TPTE: variants seen among roughly 807,000 people sequenced by gnomAD.
TPTE encodes the protein putative tyrosine-protein phosphatase TPTE.
Under a neutral mutation model 84.1 loss-of-function variants are expected in TPTE, and 59 were observed. The observed-to-expected ratio is 0.70, with a 90% CI of 0.57 to 0.87. TPTE has a LOEUF of 0.87. Among genes scored for constraint, TPTE ranks in the 40% least tolerant of loss-of-function variants. TPTE has a pLI of 0.00. For missense variants in TPTE, 382 were observed against 659.6 expected (o/e 0.58, Z 4.61); for synonymous variants, 130 against 223.5 (o/e 0.58, Z 3.73).
At chr21:10,585,251 AAAAAAG>A (rs1246245401) in intron 17 of TPTE, among the ~76,000 whole-genome samples, 409 of 151,480 alleles carry the variant, frequency 2.7e-3, no homozygotes, top group African/African-American at 9.5e-3. Flanking sequence ...CAAAAAAAAA[AAAAAAG>A]AAAGAAAGAA....
chr21:10,527,499 T>C (rs2074101408), intron 3 of TPTE, 87 bp downstream of exon 3: 1 of 152,768 alleles, frequency 6.5e-6, no homozygotes, highest in Non-Finnish European at 1.5e-5. Flanking sequence ...GCATCTTTGG[T>C]AACATTGTTT....
intron 17 of TPTE, among the ~76,000 whole-genome samples, chr21:10,585,212 AG>A (rs1383703524): frequency 6.6e-6 from 1 of 152,304 alleles, no homozygotes; most frequent in Non-Finnish European, 1.5e-5. Flanking sequence ...CCTGGATGAC[AG>A]AGTAAGACTC....
At chr21:10,565,375 G>A (rs1370235075) in intron 10 of TPTE, among the ~76,000 whole-genome samples, 1 of 152,302 alleles carries the variant, frequency 6.6e-6, no homozygotes, top group Non-Finnish European at 1.5e-5. Flanking sequence ...AAAAATGGAA[G>A]GAGATTCCAT....
intron 17 of TPTE, among the ~76,000 whole-genome samples, chr21:10,582,310 G>C (rs1180823010): frequency 6.6e-6 from 1 of 152,308 alleles, no homozygotes; most frequent in East Asian, 1.9e-4. Flanking sequence ...ATCCCTCTCA[G>C]TAATATACCA....
rs1407197150 is a variant in TPTE, at chr21:10,592,484, G to GT, written c.1170+113dup. On this transcript the variant is annotated intron_variant, in intron 19 of 23. Coordinates refer to ENST00000618007, the MANE Select transcript of TPTE (RefSeq NM_199261.4). The stretch of plus-strand genomic sequence containing the variant: ...CTCCTTTGGTGATCAGGCAGCAGCA[G>GT]TTGGGTGCCCTGCAACAGGCCTTAG... 25 of 1,424,196 alleles carry GT rather than the reference G, an allele frequency of 1.8e-5. No homozygotes were observed. In the Admixed American group the frequency reaches 2.7e-4, roughly 15 times the overall value. The allele number at this position is 1,424,196 out of a possible 1,614,324, so 88.2% of individuals were successfully genotyped here. A position where few individuals can be genotyped will look rare whatever the true frequency, so the allele number is the denominator to read the frequency against.
chr21:10,553,233 T>C (rs1319558580), intron 8 of TPTE, among the ~76,000 whole-genome samples: 1 of 152,304 alleles, frequency 6.6e-6, no homozygotes, highest in Non-Finnish European at 1.5e-5. Context: ...TTTTATCATG[T>C]ACTCACTGTA....
intron 2 of TPTE, 150 bp from the exon 3 acceptor site, chr21:10,527,205 G>A (rs1205230949): frequency 6.6e-6 from 1 of 152,540 alleles, no homozygotes; most frequent in African/African-American, 2.4e-5. Context: ...AGAAGTACTA[G>A]TGCTGTATCC....
intron 19 of TPTE, among the ~76,000 whole-genome samples, chr21:10,593,319 A>T (rs2075521181): frequency 6.6e-6 from 1 of 152,312 alleles, no homozygotes; most frequent in Non-Finnish European, 1.5e-5. Flanking sequence ...ATTATACCTT[A>T]AAAATCCTTT....
At chr21:10,573,161 C>T (rs1259154331) in intron 14 of TPTE, among the ~76,000 whole-genome samples, 2 of 152,270 alleles carry the variant, frequency 1.3e-5, no homozygotes, top group African/African-American at 4.8e-5. Flanking sequence ...GAAAATATTC[C>T]AGGCAAACAG....
rs1462920831 is a variant in TPTE, at chr21:10,532,303, A to C, written c.-44+4891A>C. ...CATCTAAGTTTTCACATTTATTAGC[A>C]TATAATTGAATAATCTTATTTTAAA... On this transcript the variant is annotated intron_variant, in intron 3 of 23. Transcript: ENST00000618007. 2.0e-5 allele frequency among the ~76,000 whole-genome samples: 3 copies of C among 152,424 alleles called. No homozygotes were observed. In the South Asian group the frequency reaches 6.2e-4, roughly 32 times the overall value.
At chr21:10,541,248 G>T (rs2074364629) in intron 5 of TPTE, 83 bp downstream of exon 5, 11 of 1,580,048 alleles carry the variant, frequency 7.0e-6, no homozygotes, top group Middle Eastern at 3.4e-4. Context: ...GAAGCAGGCC[G>T]ATACCCTGAG....
At chr21:10,592,204 G>T in intron 18 of TPTE, 89 bp from the exon 19 acceptor site, 1 of 1,574,800 alleles carries the variant, frequency 6.4e-7, no homozygotes. Context: ...CTTTAGGAAA[G>T]AAGGTGGGCG....
intron 7 of TPTE, among the ~76,000 whole-genome samples, chr21:10,545,291 AGTTT>A (rs1274466873): frequency 1.3e-4 from 20 of 151,914 alleles, no homozygotes; most frequent in Admixed American, 5.9e-4. Flanking sequence ...GTGATTCATT[AGTTT>A]GTTTGTTAAG....
chr21:10,522,444 TGGGGCGC>T (rs1342365211), intron 1 of TPTE, among the ~76,000 whole-genome samples: 2 of 152,282 alleles, frequency 1.3e-5, no homozygotes, highest in Non-Finnish European at 2.9e-5. Flanking sequence ...AGTCGGCCCT[TGGGGCGC>T]GGGCGGAGGG....
intron 3 of TPTE, among the ~76,000 whole-genome samples, chr21:10,535,532 A>G (rs2074252255): frequency 1.3e-5 from 2 of 152,302 alleles, no homozygotes; most frequent in African/African-American, 4.8e-5. Context: ...AAGAGGATGA[A>G]GTCATGAAAG....
In TPTE at chr21:10,539,484, G is replaced by A. The variant is rs1402083795; in HGVS notation, c.11+750G>A. ...GGGCCATAGATGGGATTAGGAGGAGGAATGCCTACCCAGTGGAGTTGAATT... is the reference window on the plus strand; with the variant it reads ...GGGCCATAGATGGGATTAGGAGGAGAAATGCCTACCCAGTGGAGTTGAATT... On this transcript the variant is annotated intron_variant, in intron 4 of 23. Coordinates refer to ENST00000618007, the MANE Select transcript of TPTE (RefSeq NM_199261.4). 2.6e-5 allele frequency among the ~76,000 whole-genome samples: 4 copies of A among 152,362 alleles called. No individual in the cohort carries two copies. The South Asian group carries it at 6.2e-4, about 24-fold the overall frequency.
In TPTE at chr21:10,603,647, G is replaced by A; in HGVS notation, c.1520+15G>A. The A allele has an allele frequency of 6.2e-7, 1 of 1,607,890 alleles. No homozygotes were observed. The highest frequency in any genetic ancestry group is 8.5e-7 in the Non-Finnish European group (1 of 1,175,342). On this transcript the variant is annotated intron_variant, in intron 23 of 23. Coordinates refer to ENST00000618007, the MANE Select transcript of TPTE (RefSeq NM_199261.4). ...GAAAATAACAGGTATGAATATAATA[G>A]AAACCCATAGAAACAGCCTAATCTT...
intron 7 of TPTE, among the ~76,000 whole-genome samples, chr21:10,547,222 ACAAGAAAGAACCGAGG>A (rs1292607116): frequency 1.1e-3 from 161 of 152,308 alleles, no homozygotes; most frequent in African/African-American, 3.7e-3. Flanking sequence ...CATCTCCCCT[ACAAGAAAGAACCGAGG>A]CAAGAAATAC....
intron 3 of TPTE, among the ~76,000 whole-genome samples, chr21:10,529,520 C>CA (rs2074139965): frequency 6.6e-6 from 1 of 152,308 alleles, no homozygotes; most frequent in Non-Finnish European, 1.5e-5. Context: ...AGTTATTCAT[C>CA]AGACTCTTTT....
Sources: allele counts gnomAD v4.1 joint callset (sites outside exome capture counted in the v4.1 genomes callset), GRCh38; gene constraint gnomAD v4.1.1; transcripts MANE v1.5; gene names NCBI Gene and HGNC (gene_info 2026-07-23, HGNC 2026-07-21).